The following CEP83 variants were observed in gnomAD, a reference collection of about 807,000 sequenced individuals.
CEP83 encodes centrosomal protein 83, also known as centrosomal protein of 83 kDa.
CEP83 carries 70 observed loss-of-function variants against 101.9 expected under a neutral mutation model. That is an observed-to-expected ratio of 0.69 (90% confidence interval 0.57 to 0.84). The LOEUF is 0.84. CEP83 is among the 40% of genes least tolerant of loss of function. The pLI is 0.00. For missense variants in CEP83, 715 were observed against 787.2 expected (o/e 0.91, Z 1.10); for synonymous variants, 264 against 267.9 (o/e 0.99, Z 0.14).
chr12:94,395,647 C>T (rs1157669004), intron 6 of CEP83, among the ~76,000 whole-genome samples: 2 of 152,104 alleles, frequency 1.3e-5, no homozygotes, highest in East Asian at 1.9e-4. Context: ...CACAGTGAAA[C>T]CCCGTCTCTA....
chr12:94,379,131 T>A, intron 6 of CEP83, 89 bp from the exon 7 acceptor site: 1 of 1,147,658 alleles, frequency 8.7e-7, no homozygotes, highest in South Asian at 1.6e-5. Context: ...AATTAAAAAA[T>A]GCACAAAATC....
chr12:94,330,880 A>G (rs563572996), intron 14 of CEP83, among the ~76,000 whole-genome samples: 14 of 152,316 alleles, frequency 9.2e-5, no homozygotes, highest in Non-Finnish European at 1.9e-4. Context: ...AACCTGCTGG[A>G]CAGTTTGGAT....
At chr12:94,297,463 G>A in the CEP83 span, 3 of 1,342,576 alleles carry the variant, frequency 2.2e-6, no homozygotes, top group Non-Finnish European at 2.1e-6. Flanking sequence ...GGCTACCTAG[G>A]GGGTGTATGA....
chr12:94,443,337 A>C lies in CEP83; in HGVS notation c.-154-8010T>G, dbSNP rs141672325. ...TTAAACCTTGTCTATTAATCCACAA[A>C]TCACAGAGTCAAACCTGAAACCCTA... On this transcript the variant is annotated intron_variant, in intron 1 of 16. Coordinates refer to ENST00000397809, the MANE Select transcript of CEP83 (RefSeq NM_016122.3). Among the ~76,000 whole-genome samples the C allele has an allele frequency of 4.7e-3, 723 of 152,296 alleles. 10 individuals carry two copies. The highest frequency in any genetic ancestry group is 0.017 in the African/African-American group (703 of 41,546).
intron 14 of CEP83, among the ~76,000 whole-genome samples, chr12:94,319,925 A>C (rs1419598420): frequency 6.6e-6 from 1 of 152,102 alleles, no homozygotes; most frequent in Non-Finnish European, 1.5e-5. Flanking sequence ...TTCTTCCTCA[A>C]GGATTTAATA....
chr12:94,280,921 C>G, the CEP83 span, among the ~76,000 whole-genome samples: 1 of 152,234 alleles, frequency 6.6e-6, no homozygotes, highest in East Asian at 1.9e-4. Flanking sequence ...TCAGCTATGT[C>G]AGGCTTCTGT....
intron 16 of CEP83, 86 bp downstream of exon 16, chr12:94,309,832 T>A (rs1969566455): frequency 1.1e-6 from 1 of 869,866 alleles, no homozygotes; most frequent in Admixed American, 2.8e-5. Flanking sequence ...ACCAAAGTTA[T>A]AATTTGAGTT....
Position 94,393,699 on chromosome 12 carries a change from T to C in CEP83, c.549+7151A>G, listed in dbSNP as rs530993083. Among the ~76,000 whole-genome samples the C allele has an allele frequency of 3.5e-4, 54 of 152,348 alleles. 1 individual carries two copies. The South Asian group carries it at 7.0e-3, about 20-fold the overall frequency. ...AAGTCAAATTGTCCCTGTTTGCAGA[T>C]GATATGATTGTATATTTAGAAAACT... On this transcript the variant is annotated intron_variant, in intron 6 of 16. Transcript: ENST00000397809.
intron 1 of CEP83, among the ~76,000 whole-genome samples, chr12:94,455,738 T>A (rs2067617622): frequency 6.6e-6 from 1 of 152,142 alleles, no homozygotes; most frequent in Admixed American, 6.5e-5. Context: ...CATCCTGGAT[T>A]ATAGCTCAGT....
At position 94,331,763 on chromosome 12, in the gene CEP83, G is replaced by A; in HGVS notation, c.1644C>T (p.Asp548=). The change falls in exon 14 of 17, where the codon GAC becomes GAT. Residue 548 remains aspartate, a synonymous_variant. Transcript: ENST00000397809. ...EKHKLHERIT[D]REEKYNQAKE... ...TAGCTTGATTGTACTTTTCTTCTCT[G>A]TCTGTGATACGCTCATGAAGCTTAT... is the stretch of plus-strand genomic sequence containing the variant. 6.2e-7 allele frequency: 1 copy of A among 1,613,654 alleles called. No homozygotes were observed. The highest frequency in any genetic ancestry group is 8.5e-7 in the Non-Finnish European group (1 of 1,179,614).
chr12:94,407,443 C>T (rs2137697788), intron 4 of CEP83, among the ~76,000 whole-genome samples: 1 of 152,320 alleles, frequency 6.6e-6, no homozygotes, highest in East Asian at 1.9e-4. Context: ...GATGTAGCTG[C>T]ACAATATCCA....
downstream of CEP83, chr12:94,303,718 T>C (rs1480424997): frequency 2.4e-6 from 3 of 1,274,050 alleles, no homozygotes; most frequent in Admixed American, 2.8e-5. Flanking sequence ...TTTTTACTCT[T>C]TTGGTGATGG....
chr12:94,403,452 T>G (rs1276043720), intron 4 of CEP83, among the ~76,000 whole-genome samples, 190 bp from the exon 5 acceptor site: 1 of 152,212 alleles, frequency 6.6e-6, no homozygotes, highest in Non-Finnish European at 1.5e-5. Context: ...AATTTCAGGC[T>G]CTTGGAGATG....
chr12:94,274,631 C>T, the CEP83 span, among the ~76,000 whole-genome samples: 1 of 152,230 alleles, frequency 6.6e-6, no homozygotes, highest in Non-Finnish European at 1.5e-5. Context: ...GTACATTTCA[C>T]AGCTCTTTAG....
At chr12:94,421,014 T>C (rs993258724) in intron 2 of CEP83, among the ~76,000 whole-genome samples, 5 of 152,080 alleles carry the variant, frequency 3.3e-5, no homozygotes, top group African/African-American at 1.2e-4. Flanking sequence ...CAGCTGTACA[T>C]TGTTGTGTAC....
the CEP83 span, among the ~76,000 whole-genome samples, chr12:94,300,450 T>C: frequency 6.6e-6 from 1 of 151,136 alleles, no homozygotes; most frequent in African/African-American, 2.4e-5. Context: ...AACAGGAGAG[T>C]TGGAATGAGC....
At position 94,309,931 on chromosome 12, in the gene CEP83, G is replaced by A; in HGVS notation, c.1988C>T (p.Pro663Leu). 1 of 1,582,902 alleles carries A rather than the reference G, an allele frequency of 6.3e-7. No individual in the cohort carries two copies. Among genetic ancestry groups the A allele is most frequent in the Non-Finnish European group, 8.6e-7 (1 of 1,162,258 alleles). ...AAATGCTCATACCTGCATATGAGGA[G>A]GAAATGGTAGTTCCATGCTTGGAAC... is the stretch of plus-strand genomic sequence containing the variant. ...AMVPSMELPF[P>L]PHMQEEQHQR... Residue 663 changes from proline (P) to leucine (L), a missense_variant, in exon 16 of 17, where the codon CCT becomes CTT. By Grantham distance (98) the Pro-to-Leu change is moderately conservative (BLOSUM62 -3). Coordinates refer to ENST00000397809, the MANE Select transcript of CEP83 (RefSeq NM_016122.3).
chr12:94,314,222 T>C (rs1327586880), intron 14 of CEP83, among the ~76,000 whole-genome samples: 1 of 152,214 alleles, frequency 6.6e-6, no homozygotes, highest in East Asian at 1.9e-4. Flanking sequence ...CTAACTCTTT[T>C]TTAACTGAAG....
chr12:94,367,672 A>G, intron 11 of CEP83, 122 bp downstream of exon 11: 1 of 525,634 alleles, frequency 1.9e-6, no homozygotes, highest in Admixed American at 3.5e-5. Flanking sequence ...TTACATAGGT[A>G]TTTGTATTTG....
Sources: allele counts gnomAD v4.1 joint callset (sites outside exome capture counted in the v4.1 genomes callset), GRCh38; gene constraint gnomAD v4.1.1; transcripts MANE v1.5; gene names NCBI Gene and HGNC (gene_info 2026-07-23, HGNC 2026-07-21).